PER2: variants seen among roughly 807,000 people sequenced by gnomAD.
PER2 encodes period circadian protein homolog 2.
A neutral mutation model predicts 121.0 loss-of-function variants in PER2; 66 were observed. The ratio of observed to expected loss-of-function variants is 0.55; its 90% CI spans 0.45 to 0.67. The LOEUF (loss-of-function observed/expected upper bound fraction) is 0.67, where lower values mean the gene tolerates loss of function less well. Ranked by LOEUF, PER2 falls within the 30% of genes least tolerant of loss-of-function variation. The probability of loss-of-function intolerance (pLI) is 0.00; values close to 1 mark genes in which losing one functional copy is unlikely to be tolerated. For synonymous variants in PER2, 684 were observed against 659.9 expected, an observed-to-expected ratio of 1.04 and a Z score of -0.56; for missense variants, 1,521 against 1,635.0, an observed-to-expected ratio of 0.93 and a Z score of 1.20.
rs758682641 is a variant in PER2, at chr2:238,251,641, C to G, written c.3232G>C (p.Gly1078Arg). 2 of 1,614,178 alleles carry G rather than the reference C, an allele frequency of 1.2e-6. No individual in the cohort carries two copies. Among genetic ancestry groups the G allele is most frequent in the South Asian group, 2.2e-5 (2 of 91,080 alleles). ...ASGSAASESL[G>R]SGSLGCDASP... The stretch of plus-strand genomic sequence containing the variant: ...GCGTCGCAGCCCAGTGAGCCGGAGC[C>G]CAGAGACTCCGAAGCAGCAGAGCCC... The change falls in exon 20 of 23, where the codon GGC (glycine) becomes CGC (arginine). Residue 1078 changes from glycine to arginine, a missense_variant. By Grantham distance (125) the Gly-to-Arg change is moderately radical (BLOSUM62 -2). Coordinates refer to ENST00000254657, the MANE Select transcript of PER2 (RefSeq NM_022817.3).
In PER2 at chr2:238,286,298, C is replaced by T. The variant is rs1026396790; in HGVS notation, c.-20+2051G>A. Among the ~76,000 whole-genome samples, 9 of 152,144 alleles carry T rather than the reference C, an allele frequency of 5.9e-5. No individual in the cohort carries two copies. The East Asian group carries it at 9.6e-4, about 16-fold the overall frequency. ...CCCAGGAAGAGCACGAGGAACCCTT[C>T]GAGGCCGGTGAGGGTTCAGCACGGC... On this transcript the variant is annotated intron_variant, in intron 1 of 22. Transcript: ENST00000254657.
chr2:238,272,231 C>T (rs1488793204), intron 5 of PER2, among the ~76,000 whole-genome samples: 1 of 152,238 alleles, frequency 6.6e-6, no homozygotes. Flanking sequence ...GTCTCCACCC[C>T]CTGGGAGGCG....
At chr2:238,261,477 A>G in intron 12 of PER2, 1 of 557,150 alleles carries the variant, frequency 1.8e-6, no homozygotes, top group African/African-American at 1.9e-5. Context: ...GGGTCTGCAC[A>G]CGTCCTTCAG....
At chr2:238,292,904 A>G (rs1047357435), upstream of PER2, among the ~76,000 whole-genome samples, 3 of 151,294 alleles carry the variant, frequency 2.0e-5, no homozygotes, top group Admixed American at 6.6e-5. Flanking sequence ...CACCCAGCTA[A>G]TTTTTGTATT....
intron 1 of PER2, among the ~76,000 whole-genome samples, chr2:238,282,702 G>A (rs977548579): frequency 6.6e-6 from 1 of 151,578 alleles, no homozygotes; most frequent in African/African-American, 2.4e-5. Flanking sequence ...TGGCACTGGG[G>A]CAGACAACAG....
At position 238,271,421 on chromosome 2, in the gene PER2, G is replaced by A. The variant is rs746231921; in HGVS notation, c.663C>T (p.Ala221=). 38 of 1,613,994 alleles carry A rather than the reference G, an allele frequency of 2.4e-5. No homozygotes were observed. In the East Asian group the frequency reaches 7.6e-4, roughly 32 times the overall value. Residue 221 remains alanine, a synonymous_variant, in exon 6 of 23, where the codon GCC becomes GCT. Transcript: ENST00000254657. ...VASIFHCKRD[A]FSDAKFVEFL... ...ACTCCACAAACTTGGCATCGCTGAA[G>A]GCATCTCTTTTACAGTGAAATATGG...
chr2:238,287,124 C>A (rs61177586), intron 1 of PER2, among the ~76,000 whole-genome samples: 1 of 152,306 alleles, frequency 6.6e-6, no homozygotes, highest in African/African-American at 2.4e-5. Context: ...CAGGGCTCCC[C>A]CTTCCCACCT....
intron 11 of PER2, 31 bp from the exon 12 acceptor site, chr2:238,261,868 G>T (rs146468132): frequency 6.8e-7 from 1 of 1,480,904 alleles, no homozygotes; most frequent in African/African-American, 1.4e-5. Context: ...TTGTTAGATG[G>T]GGCCCCACAG....
At chr2:238,290,306 T>C (rs995070838), upstream of PER2, among the ~76,000 whole-genome samples, 1 of 150,628 alleles carries the variant, frequency 6.6e-6, no homozygotes, top group Non-Finnish European at 1.5e-5. Context: ...CCCTAACACA[T>C]ACACACACAA....
intron 6 of PER2, 80 bp from the exon 7 acceptor site, chr2:238,269,054 A>G (rs1446324629): frequency 3.6e-6 from 4 of 1,112,912 alleles, no homozygotes; most frequent in Admixed American, 1.7e-5. Flanking sequence ...ACAAAAGAGG[A>G]GCAGCAGAAT....
At position 238,253,219 on chromosome 2, in the gene PER2, G is replaced by A. The variant is rs1437695907; in HGVS notation, c.2804C>T (p.Pro935Leu). 9 of 1,598,930 alleles carry A rather than the reference G, an allele frequency of 5.6e-6. No individual in the cohort carries two copies. Among genetic ancestry groups the A allele is most frequent in the Non-Finnish European group, 7.7e-6 (9 of 1,170,884 alleles). Residue 935 changes from proline (P) to leucine (L), a missense_variant, in exon 19 of 23, where the codon CCC becomes CTC. Transcript: ENST00000254657. The surrounding 1 kb of genome is among the most constrained non-coding windows in gnomAD (Gnocchi z 5.6). ...FPSQPQFPSH[P>L]TLTSEMASAS... ...AGAGGCCATCTCGGATGTGAGTGTG[G>A]GGTGGCTCGGAAACTGAGGCTGGCT... is the stretch of plus-strand genomic sequence containing the variant.
At chr2:238,276,711 A>C (rs1490898851) in intron 3 of PER2, among the ~76,000 whole-genome samples, 1 of 152,242 alleles carries the variant, frequency 6.6e-6, no homozygotes, top group Non-Finnish European at 1.5e-5. Flanking sequence ...AGGGTGCAGA[A>C]GGAATGATGG....
chr2:238,264,045 G>T (rs1049323334), intron 9 of PER2, among the ~76,000 whole-genome samples: 1 of 151,942 alleles, frequency 6.6e-6, no homozygotes, highest in African/African-American at 2.4e-5. Flanking sequence ...GGGAGGAGGA[G>T]GGGGAGCCCT....
At chr2:238,266,108 T>A (rs189843684) in intron 8 of PER2, among the ~76,000 whole-genome samples, 27 of 152,030 alleles carry the variant, frequency 1.8e-4, no homozygotes, top group Non-Finnish European at 2.8e-4. Flanking sequence ...TTTCACCGTG[T>A]TGGCCAGGAT....
chr2:238,264,702 G>A (rs867227249), intron 9 of PER2, among the ~76,000 whole-genome samples: 25 of 152,206 alleles, frequency 1.6e-4, no homozygotes, highest in African/African-American at 5.3e-4. Context: ...ATAGCTCACC[G>A]TAGCCTTGAA....
intron 3 of PER2, among the ~76,000 whole-genome samples, chr2:238,276,248 C>A (rs1696451916): frequency 6.6e-6 from 1 of 152,338 alleles, no homozygotes; most frequent in Middle Eastern, 3.4e-3. Flanking sequence ...CCTGGCCTCA[C>A]CCACAATAGA....
At chr2:238,263,484 G>A (rs139044180) in intron 9 of PER2, among the ~76,000 whole-genome samples, 2 of 151,982 alleles carry the variant, frequency 1.3e-5, no homozygotes, top group Non-Finnish European at 2.9e-5. Context: ...GCCTGGTCTC[G>A]TGTGACTTTG....
At chr2:238,259,611 T>C (rs1695865324) in intron 14 of PER2, among the ~76,000 whole-genome samples, 1 of 152,250 alleles carries the variant, frequency 6.6e-6, no homozygotes, top group Non-Finnish European at 1.5e-5. Flanking sequence ...ACAGCTACTC[T>C]GTACAGCAAG....
Position 238,265,594 on chromosome 2 carries a change from A to G in PER2, c.968-4T>C. ...TTTTCAGGAGGAATTCTAGGGGCTG[A>G]AAGAACAGAATATTGCACACATTTG... On this transcript the variant is annotated splice_region_variant and splice_polypyrimidine_tract_variant and intron_variant, in intron 8 of 22. Transcript: ENST00000254657. 1 of 1,549,404 alleles carries G rather than the reference A, an allele frequency of 6.5e-7. No individual in the cohort carries two copies. Among genetic ancestry groups the G allele is most frequent in the Non-Finnish European group, 8.9e-7 (1 of 1,120,956 alleles).
Sources: gnomAD v4.1 joint callset for allele counts (sites outside exome capture counted in the v4.1 genomes callset) on GRCh38, gnomAD v4.1.1 for gene constraint, Gnocchi (gnomAD v3.1) non-coding constraint, MANE v1.5 for transcripts, NCBI Gene and HGNC (gene_info 2026-07-23, HGNC 2026-07-21) for gene names.